Variants in CLRN3 observed in about 807,000 individuals in gnomAD.
The protein encoded by CLRN3 is clarin 3, also known as clarin-3.
Under a neutral mutation model 16.7 loss-of-function variants are expected in CLRN3, and 12 were observed. The observed-to-expected ratio is 0.72, with a 90% CI of 0.46 to 1.16. The LOEUF (loss-of-function observed/expected upper bound fraction) is 1.16. Among genes scored for constraint, CLRN3 ranks in the 50% most tolerant of loss-of-function variants. CLRN3 has a pLI of 0.00. For missense variants in CLRN3, 296 were observed against 274.2 expected (o/e 1.08, Z -0.56); for synonymous variants, 118 against 113.0 (o/e 1.04, Z -0.28).
At chr10:127,890,050 G>C (rs998197369) in intron 1 of CLRN3, among the ~76,000 whole-genome samples, 2 of 152,232 alleles carry the variant, frequency 1.3e-5, no homozygotes, top group South Asian at 4.1e-4. Flanking sequence ...CCAGCAGTGA[G>C]TGCAGGGCAC....
Position 127,892,602 on chromosome 10 carries a change from A to G in CLRN3, c.183T>C (p.Ser61=). The change falls in exon 1 of 3, where the codon AGT becomes AGC. Residue 61 remains serine, a synonymous_variant. Coordinates refer to ENST00000368671, the MANE Select transcript of CLRN3 (RefSeq NM_152311.5). ...CTGCAAGTCCGTGACTCAATTCTTC[A>G]CTACTCTCCCCACGAAAAAGTCCGT... is the stretch of plus-strand genomic sequence containing the variant. The part of the protein sequence containing the change: ...ITYGLFRGES[S]EELSHGLAEP... 6.2e-7 allele frequency: 1 copy of G among 1,612,720 alleles called. No individual in the cohort carries two copies. The highest frequency in any genetic ancestry group is 8.5e-7 in the Non-Finnish European group (1 of 1,178,722).
chr10:127,890,827 C>T (rs1281866679), intron 1 of CLRN3, among the ~76,000 whole-genome samples: 1 of 152,166 alleles, frequency 6.6e-6, no homozygotes, highest in African/African-American at 2.4e-5. Flanking sequence ...ATGACTTTCC[C>T]CTGTCTGAGA....
intron 1 of CLRN3, among the ~76,000 whole-genome samples, chr10:127,888,654 AC>A (rs1845224397): frequency 6.6e-6 from 1 of 151,548 alleles, no homozygotes; most frequent in Non-Finnish European, 1.5e-5. Flanking sequence ...ATGGGGAGAG[AC>A]TCCCGCCAGC....
chr10:127,892,897 T>C lies in CLRN3; in HGVS notation c.-113A>G. ...AGAAATGGAGTCTAACACTTTATTG[T>C]CAAATATAAAATCTCACTCTTCCTG... On this transcript the variant is annotated 5_prime_UTR_variant, in exon 1 of 3. Transcript: ENST00000368671. 1 of 655,542 alleles carries C rather than the reference T, an allele frequency of 1.5e-6. No homozygotes were observed. The highest frequency in any genetic ancestry group is 1.9e-5 in the South Asian group (1 of 53,370). 40.6% of individuals were successfully genotyped at this position (655,542 alleles called of 1,614,324 possible).
At chr10:127,886,700 C>A (rs1254811215) in intron 1 of CLRN3, among the ~76,000 whole-genome samples, 3 of 152,238 alleles carry the variant, frequency 2.0e-5, no homozygotes, top group Non-Finnish European at 4.4e-5. Context: ...ACTGGGCAAG[C>A]CTCAGCTCAG....
Position 127,892,723 on chromosome 10 carries a change from A to G in CLRN3, c.62T>C (p.Phe21Ser), listed in dbSNP as rs776716340. The G allele has an allele frequency of 6.2e-7, 1 of 1,613,840 alleles. No individual in the cohort carries two copies. The highest frequency in any genetic ancestry group is 1.1e-5 in the South Asian group (1 of 91,074). Residue 21 changes from phenylalanine to serine, a missense_variant, in exon 1 of 3, where the codon TTC becomes TCC. Phe to Ser is a radical substitution (Grantham distance 155, BLOSUM62 -2). Transcript: ENST00000368671. ...LSSFFTSLGS[F>S]IVICSILGTQ... is the part of the protein sequence containing the mutation. ...CCCAAGAATAGAGCAAATTACAATG[A>G]AGGACCCAAGGCTGGTGAAAAAGCT...
chr10:127,880,721 A>G (rs1412882103), intron 2 of CLRN3, among the ~76,000 whole-genome samples: 1 of 152,116 alleles, frequency 6.6e-6, no homozygotes, highest in Admixed American at 6.5e-5. Flanking sequence ...TCCTCAAAGC[A>G]GAACCTGCTT....
rs745813617 is a variant in CLRN3, at chr10:127,878,415, A to C, written c.415T>G (p.Phe139Val). The C allele has an allele frequency of 1.2e-6, 2 of 1,613,542 alleles. No individual in the cohort carries two copies. Among genetic ancestry groups the C allele is most frequent in the Admixed American group, 3.3e-5 (2 of 60,026 alleles). The stretch of plus-strand genomic sequence containing the variant: ...AACAGTATCATGGTCACAAAAACGA[A>C]GGATGCTGAAAGGAAGATGGAGTTT... ...VYTWNGLGAS[F>V]VFVTMILFVA... is the part of the protein sequence containing the mutation. Residue 139 changes from phenylalanine (F) to valine (V), a missense_variant, in exon 3 of 3, where the codon TTC becomes GTC. Physicochemically the swap from Phe to Val is conservative, Grantham distance 50 (BLOSUM62 -1). Transcript: ENST00000368671.
rs572924297 is a variant in CLRN3 at position 127,885,173 on chromosome 10, G to A, written c.230-1298C>T. 7.2e-5 allele frequency among the ~76,000 whole-genome samples: 11 copies of A among 152,288 alleles called. No individual in the cohort carries two copies. In the South Asian group the frequency reaches 2.1e-3, roughly 29 times the overall value. ...TTCCCTCAGCATATGCCCACGGGTC[G>A]AAGGTCAAGGAGTTCCTAATGGAAC... is the stretch of plus-strand genomic sequence containing the variant. On this transcript the variant is annotated intron_variant, in intron 1 of 2. Coordinates refer to ENST00000368671, the MANE Select transcript of CLRN3 (RefSeq NM_152311.5).
intron 1 of CLRN3, among the ~76,000 whole-genome samples, chr10:127,889,531 C>G (rs1021481321): frequency 2.0e-5 from 3 of 151,118 alleles, no homozygotes; most frequent in Non-Finnish European, 4.4e-5. Flanking sequence ...GGCTGAGGCA[C>G]GAGAATTGCT....
At chr10:127,890,864 G>GC (rs1845250046) in intron 1 of CLRN3, among the ~76,000 whole-genome samples, 2 of 152,168 alleles carry the variant, frequency 1.3e-5, no homozygotes, top group African/African-American at 4.8e-5. Flanking sequence ...TTCAAGCCCA[G>GC]CGATTATTAC....
At chr10:127,881,369 C>A (rs928269373) in intron 2 of CLRN3, among the ~76,000 whole-genome samples, 2 of 152,226 alleles carry the variant, frequency 1.3e-5, no homozygotes, top group Admixed American at 1.3e-4. Context: ...GCAAAGCCAG[C>A]CCATACTCTG....
At position 127,883,757 on chromosome 10, in the gene CLRN3, G is replaced by A. The variant is rs773791036; in HGVS notation, c.348C>T (p.Ile116=). The change falls in exon 2 of 3, where the codon ATC becomes ATT. Residue 116 remains isoleucine (I), a synonymous_variant. Coordinates refer to ENST00000368671, the MANE Select transcript of CLRN3 (RefSeq NM_152311.5). ...CCAGGAATGTCTGGTAAGGGTTGCTGATGCTGTTGTAGAAGGTAAACCCAG... is the reference window on the plus strand; with the variant it reads ...CCAGGAATGTCTGGTAAGGGTTGCTAATGCTGTTGTAGAAGGTAAACCCAG... ...LSSGFTFYNS[I]SNPYQTFLGP... 4 of 1,613,832 alleles carry A rather than the reference G, an allele frequency of 2.5e-6. No individual in the cohort carries two copies. The African/African-American group carries it at 5.3e-5, about 22-fold the overall frequency.
At chr10:127,888,842 GTCAA>G (rs1303234891) in intron 1 of CLRN3, among the ~76,000 whole-genome samples, 2 of 152,222 alleles carry the variant, frequency 1.3e-5, no homozygotes, top group African/African-American at 4.8e-5. Context: ...AGCCATGCCT[GTCAA>G]TCTAGTGCCT....
At chr10:127,880,229 C>T (rs562849156) in intron 2 of CLRN3, among the ~76,000 whole-genome samples, 1 of 152,256 alleles carries the variant, frequency 6.6e-6, no homozygotes, top group South Asian at 2.1e-4. Context: ...CATAAAGGGG[C>T]AGGATGTATA....
intron 2 of CLRN3, among the ~76,000 whole-genome samples, chr10:127,879,481 G>T (rs752294377): frequency 4.6e-5 from 7 of 151,972 alleles, no homozygotes; most frequent in Admixed American, 6.6e-5. Context: ...AACAGGATTG[G>T]AAATCCCAGC....
At chr10:127,878,693 C>T (rs190878830) in intron 2 of CLRN3, among the ~76,000 whole-genome samples, 12 of 152,276 alleles carry the variant, frequency 7.9e-5, no homozygotes, top group Admixed American at 2.6e-4. Flanking sequence ...TACCAAACAG[C>T]GCACTTCCTA....
intron 2 of CLRN3, among the ~76,000 whole-genome samples, chr10:127,882,982 A>C (rs1023602348): frequency 1.3e-5 from 2 of 152,048 alleles, no homozygotes; most frequent in African/African-American, 4.8e-5. Flanking sequence ...CCCTGGAAAA[A>C]CCCAGTGAAA....
At chr10:127,892,517 C>A (rs1300482465) in intron 1 of CLRN3, 39 bp downstream of exon 1, 3 of 1,043,562 alleles carry the variant, frequency 2.9e-6, no homozygotes, top group Admixed American at 1.7e-5. Flanking sequence ...AACCTTAATT[C>A]AATCTCACTA....
Sources: gnomAD v4.1 joint callset for allele counts (sites outside exome capture counted in the v4.1 genomes callset) on GRCh38, gnomAD v4.1.1 for gene constraint, MANE v1.5 for transcripts, NCBI Gene and HGNC (gene_info 2026-07-23, HGNC 2026-07-21) for gene names.